Variants in CD109 observed in about 807,000 individuals in gnomAD.
CD109 encodes the protein CD109 antigen.
A neutral mutation model predicts 165.8 loss-of-function variants in CD109; 149 were observed. The observed-to-expected ratio is 0.90, with a 90% confidence interval of 0.79 to 1.03. CD109 has a LOEUF of 1.03. CD109 is among the 50% of genes least tolerant of loss of function. The pLI is 0.00. For synonymous variants in CD109, 585 were observed against 592.1 expected, an observed-to-expected ratio of 0.99 and a Z score of 0.18; for missense variants, 1,712 against 1,677.8, an observed-to-expected ratio of 1.02 and a Z score of -0.36.
rs751375241 is a variant in CD109, at chr6:73,827,541, C to T, written c.*3908C>T. On this transcript the variant is annotated 3_prime_UTR_variant, in exon 33 of 33. Transcript: ENST00000287097. ...ATTTGAGGTGCAATTATTTTTATTA[C>T]TACTTTGAATAGAGGACCATTATCC... is the stretch of plus-strand genomic sequence containing the variant. 1.3e-4 allele frequency: 20 copies of T among 152,036 alleles called. No individual in the cohort carries two copies. The highest frequency in any genetic ancestry group is 2.6e-4 in the Non-Finnish European group (18 of 68,012). 9.4% of individuals were successfully genotyped at this position (152,036 alleles called of 1,614,324 possible).
At chr6:73,705,337 ATAAGT>A (rs1771226970) in intron 2 of CD109, among the ~76,000 whole-genome samples, 1 of 152,160 alleles carries the variant, frequency 6.6e-6, no homozygotes, top group African/African-American at 2.4e-5. Flanking sequence ...AAAGAGGAAA[ATAAGT>A]TAATGAAGGG....
At chr6:73,821,860 C>T (rs758342136) in intron 32 of CD109, among the ~76,000 whole-genome samples, 11 of 152,056 alleles carry the variant, frequency 7.2e-5, no homozygotes, top group Admixed American at 1.3e-4. Context: ...TACATGTACC[C>T]CTGAACAGTA....
the CD109 span, among the ~76,000 whole-genome samples, chr6:73,683,218 C>G: frequency 6.6e-6 from 1 of 152,298 alleles, no homozygotes; most frequent in Non-Finnish European, 1.5e-5. Context: ...AAACTGAAAG[C>G]CTTTAACAGC....
At position 73,696,411 on chromosome 6, in the gene CD109, G is replaced by A. The variant is rs1345909750; in HGVS notation, c.74+122G>A. ...AGCAGCGGGTGGGAAATGCCCTCGC[G>A]GCTGCAGTCCCCAGCCTGGTACTGG... is the stretch of plus-strand genomic sequence containing the variant. On this transcript the variant is annotated intron_variant, in intron 1 of 32. Coordinates refer to ENST00000287097, the MANE Select transcript of CD109 (RefSeq NM_133493.5). 1.7e-5 allele frequency: 13 copies of A among 778,394 alleles called. No homozygotes were observed. In the African/African-American group the frequency reaches 2.0e-4, roughly 12 times the overall value. 48.2% of individuals were successfully genotyped at this position (778,394 alleles called of 1,614,324 possible).
chr6:73,821,653 T>C (rs1167993470), intron 32 of CD109, among the ~76,000 whole-genome samples: 1 of 152,146 alleles, frequency 6.6e-6, no homozygotes, highest in Non-Finnish European at 1.5e-5. Flanking sequence ...TTCTCACTTA[T>C]AAGTGGGAGC....
At chr6:73,709,552 C>G (rs1390124328) in intron 2 of CD109, among the ~76,000 whole-genome samples, 1 of 152,102 alleles carries the variant, frequency 6.6e-6, no homozygotes, top group Admixed American at 6.6e-5. Context: ...TCATTGGTAG[C>G]TTGATGGGGA....
intron 6 of CD109, among the ~76,000 whole-genome samples, chr6:73,757,839 A>G (rs1773452511): frequency 6.6e-6 from 1 of 152,240 alleles, no homozygotes; most frequent in Non-Finnish European, 1.5e-5. Context: ...GAAAAATTAC[A>G]CATATGGCTC....
chr6:73,696,369 G>A (rs1259575002), intron 1 of CD109, 80 bp downstream of exon 1: 4 of 1,194,370 alleles, frequency 3.3e-6, no homozygotes, highest in East Asian at 6.4e-5. Flanking sequence ...GCTTCGGGGA[G>A]GTGGCGGCTG....
chr6:73,763,482 C>G (rs1324662556), intron 9 of CD109, 94 bp from the exon 10 acceptor site: 1 of 652,802 alleles, frequency 1.5e-6, no homozygotes, highest in East Asian at 2.7e-5. Context: ...ATTTTTAACC[C>G]TTTTTGCAAT....
chr6:73,763,446 T>G, intron 9 of CD109, 130 bp from the exon 10 acceptor site: 1 of 536,748 alleles, frequency 1.9e-6, no homozygotes, highest in Non-Finnish European at 3.3e-6. Context: ...AAAGTCAATA[T>G]GGGAATGAGG....
chr6:73,808,113 T>A lies in CD109; in HGVS notation c.3220T>A (p.Phe1074Ile). 6.2e-7 allele frequency: 1 copy of A among 1,613,296 alleles called. No homozygotes were observed. The highest frequency in any genetic ancestry group is 1.3e-5 in the African/African-American group (1 of 74,998). Residue 1074 changes from phenylalanine (F) to isoleucine (I), a missense_variant, in exon 26 of 33, where the codon TTT becomes ATT. Physicochemically the swap from Phe to Ile is conservative, Grantham distance 21. Transcript: ENST00000287097. ...CATTGATGTGCAAGAGTCTATCCAT[T>A]TTTTGGAGTCTGAATTCAGTAGAGG... ...PNIDVQESIH[F>I]LESEFSRGIS...
At chr6:73,742,249 C>T (rs185826389) in intron 5 of CD109, among the ~76,000 whole-genome samples, 1 of 149,786 alleles carries the variant, frequency 6.7e-6, no homozygotes, top group Non-Finnish European at 1.5e-5. Flanking sequence ...CTTATATCAG[C>T]AGAATCATAC....
chr6:73,689,403 C>T, the CD109 span, among the ~76,000 whole-genome samples: 693 of 152,274 alleles, frequency 4.6e-3, 6 homozygotes, highest in Non-Finnish European at 7.5e-3. Flanking sequence ...ATTGAATTGA[C>T]TTAGAGGATG....
the CD109 span, among the ~76,000 whole-genome samples, chr6:73,680,123 C>T: frequency 1.3e-5 from 2 of 152,082 alleles, no homozygotes; most frequent in South Asian, 2.1e-4. Context: ...ATTCGTGATT[C>T]ATTTCTATTT....
chr6:73,812,248 GT>G lies in CD109; in HGVS notation c.3750del (p.Phe1250LeufsTer14). On this transcript the variant is annotated frameshift_variant, in exon 29 of 33. Transcript: ENST00000287097. LOFTEE classifies it high-confidence loss of function. ...QPTAVNISAN[G>X]FGFAICQLNV... The stretch of plus-strand genomic sequence containing the variant: ...ACGGCAGTTAATATTTCCGCAAATG[GT>G]TTTGGATTTGCTATTTGTCAGGTAT... 1 of 1,609,146 alleles carries G rather than the reference GT, an allele frequency of 6.2e-7. No individual in the cohort carries two copies. The highest frequency in any genetic ancestry group is 8.5e-7 in the Non-Finnish European group (1 of 1,177,000).
At chr6:73,800,835 A>G (rs569947305) in intron 23 of CD109, among the ~76,000 whole-genome samples, 1 of 152,336 alleles carries the variant, frequency 6.6e-6, no homozygotes, top group South Asian at 2.1e-4. Flanking sequence ...GTAATAACAT[A>G]TAAACATACA....
intron 23 of CD109, among the ~76,000 whole-genome samples, chr6:73,794,865 G>GT (rs764147456): frequency 7.2e-5 from 11 of 151,946 alleles, no homozygotes; most frequent in Non-Finnish European, 1.3e-4. Context: ...AATTATCCCT[G>GT]TTTATACACA....
intron 2 of CD109, among the ~76,000 whole-genome samples, chr6:73,700,101 G>A (rs1771006675): frequency 6.6e-6 from 1 of 151,868 alleles, no homozygotes. Context: ...TATTTTTAAG[G>A]GACAGAGTCT....
chr6:73,820,540 C>A lies in CD109; in HGVS notation c.4139C>A (p.Ser1380Tyr). The change falls in exon 32 of 33, where the codon TCC (serine) becomes TAC (tyrosine). Residue 1380 changes from serine to tyrosine, a missense_variant. Physicochemically the swap from Ser to Tyr is moderately radical, Grantham distance 144. Transcript: ENST00000287097. ...KVSNTQDASVSIVDYYEPRRQ... is the reference protein window; with the variant it reads ...KVSNTQDASVYIVDYYEPRRQ... Reference sequence around the variant, plus strand: ...TCAAATACCCAAGATGCTTCAGTGTCCATAGTGGATTACTATGAGCCAAGT... The same window carrying A: ...TCAAATACCCAAGATGCTTCAGTGTACATAGTGGATTACTATGAGCCAAGT... 6.2e-7 allele frequency: 1 copy of A among 1,604,650 alleles called. No individual in the cohort carries two copies. The highest frequency in any genetic ancestry group is 8.5e-7 in the Non-Finnish European group (1 of 1,172,240).
Sources: gnomAD v4.1 joint callset for allele counts (sites outside exome capture counted in the v4.1 genomes callset) on GRCh38, gnomAD v4.1.1 for gene constraint, MANE v1.5 for transcripts, NCBI Gene and HGNC (gene_info 2026-07-23, HGNC 2026-07-21) for gene names.